The following CACNG3 variants were observed in gnomAD, a reference collection of about 807,000 sequenced individuals.
The protein encoded by CACNG3 is calcium voltage-gated channel auxiliary subunit gamma 3, also known as voltage-dependent calcium channel gamma-3 subunit.
Under a neutral mutation model 28.5 loss-of-function variants are expected in CACNG3, and 3 were observed. The observed-to-expected ratio is 0.11, with a 90% CI of 0.05 to 0.27. CACNG3 has a LOEUF of 0.27. Ranked by LOEUF, CACNG3 falls within the 10% of genes least tolerant of loss-of-function variation. The probability of loss-of-function intolerance (pLI) is 1.00; values close to 1 mark genes in which losing one functional copy is unlikely to be tolerated. For synonymous variants in CACNG3, 174 were observed against 162.2 expected (o/e 1.07, Z -0.55); for missense variants, 236 against 414.4 (o/e 0.57, Z 3.74).
At chr16:24,318,483 C>A (rs991510083) in intron 1 of CACNG3, among the ~76,000 whole-genome samples, 1 of 152,146 alleles carries the variant, frequency 6.6e-6, no homozygotes, top group Non-Finnish European at 1.5e-5. Context: ...TGAATTACCG[C>A]ACCCGGCCTG....
chr16:24,289,812 A>G (rs145625032), intron 1 of CACNG3, among the ~76,000 whole-genome samples: 8 of 152,346 alleles, frequency 5.3e-5, no homozygotes, highest in African/African-American at 1.9e-4. Flanking sequence ...AATGGGGATA[A>G]TCACTACCTG....
chr16:24,308,839 C>CAAAAAAAAAAAAAAAAA (rs71154298), intron 1 of CACNG3, among the ~76,000 whole-genome samples: 87 of 27,284 alleles, frequency 3.2e-3, no homozygotes, highest in Non-Finnish European at 4.2e-3. Context: ...GAACCTACCT[C>CAAAAAAAAAAAAAAAAA]AAAAAAAAAA....
At chr16:24,304,385 C>T (rs1899156549) in intron 1 of CACNG3, among the ~76,000 whole-genome samples, 1 of 152,004 alleles carries the variant, frequency 6.6e-6, no homozygotes. Flanking sequence ...AGTGCATGTA[C>T]AGAGAAATGC....
intron 1 of CACNG3, among the ~76,000 whole-genome samples, chr16:24,328,484 T>G (rs1899587891): frequency 2.7e-5 from 4 of 150,902 alleles, no homozygotes; most frequent in African/African-American, 7.3e-5. Context: ...AAGGACAGTC[T>G]GATGTTCAGG....
intron 1 of CACNG3, among the ~76,000 whole-genome samples, chr16:24,344,698 G>A (rs868133892): frequency 2.0e-5 from 3 of 152,252 alleles, no homozygotes; most frequent in East Asian, 1.9e-4. Context: ...CCTGGTAAGC[G>A]GAGAATCAGA....
intron 1 of CACNG3, among the ~76,000 whole-genome samples, chr16:24,280,873 G>A (rs529559199): frequency 1.5e-4 from 22 of 148,966 alleles, no homozygotes; most frequent in African/African-American, 5.2e-4. Flanking sequence ...TGGAGATTTT[G>A]GGAACATTTT....
intron 2 of CACNG3, among the ~76,000 whole-genome samples, chr16:24,353,011 G>T (rs1899977634): frequency 6.6e-6 from 1 of 151,212 alleles, no homozygotes; most frequent in Non-Finnish European, 1.5e-5. Flanking sequence ...GACTCGTTCT[G>T]TTGCCCAGGC....
chr16:24,349,342 G>A (rs1899911176), intron 2 of CACNG3, among the ~76,000 whole-genome samples: 1 of 152,236 alleles, frequency 6.6e-6, no homozygotes, highest in Non-Finnish European at 1.5e-5. Context: ...GAAAGATTCA[G>A]GGTGAGTCCA....
At chr16:24,358,154 T>G (rs1236488579) in intron 3 of CACNG3, among the ~76,000 whole-genome samples, 1 of 152,216 alleles carries the variant, frequency 6.6e-6, no homozygotes, top group Non-Finnish European at 1.5e-5. Flanking sequence ...TTAACAACCC[T>G]TTAAATCGGT....
chr16:24,300,702 C>T (rs916768831), intron 1 of CACNG3, among the ~76,000 whole-genome samples: 4 of 151,630 alleles, frequency 2.6e-5, no homozygotes, highest in African/African-American at 9.7e-5. Context: ...GTAGGCAGAT[C>T]ACTTGGAGTT....
At chr16:24,283,583 A>G (rs1898857388) in intron 1 of CACNG3, among the ~76,000 whole-genome samples, 1 of 152,220 alleles carries the variant, frequency 6.6e-6, no homozygotes, top group African/African-American at 2.4e-5. Flanking sequence ...TACTTAGTGA[A>G]TTTCATTTGC....
chr16:24,299,405 T>C (rs1287063206), intron 1 of CACNG3, among the ~76,000 whole-genome samples: 1 of 152,204 alleles, frequency 6.6e-6, no homozygotes, highest in Non-Finnish European at 1.5e-5. Flanking sequence ...ATCCTTGCTT[T>C]CCAGCACCTC....
chr16:24,285,344 C>T (rs938876932), intron 1 of CACNG3, among the ~76,000 whole-genome samples: 4 of 152,130 alleles, frequency 2.6e-5, no homozygotes, highest in African/African-American at 9.7e-5. Context: ...ATAAGAGTAA[C>T]CCGTTTACTG....
intron 2 of CACNG3, among the ~76,000 whole-genome samples, chr16:24,350,966 C>A (rs938791455): frequency 1.1e-4 from 17 of 152,166 alleles, no homozygotes; most frequent in African/African-American, 4.1e-4. Flanking sequence ...ATAAGCTACA[C>A]TCACTTACAG....
intron 2 of CACNG3, among the ~76,000 whole-genome samples, chr16:24,347,478 T>A (rs907997672): frequency 6.6e-6 from 1 of 152,208 alleles, no homozygotes; most frequent in African/African-American, 2.4e-5. Flanking sequence ...TCTAAGGAAC[T>A]TTCTCTAACT....
chr16:24,328,329 T>A (rs1899585160), intron 1 of CACNG3, among the ~76,000 whole-genome samples: 1 of 150,558 alleles, frequency 6.6e-6, no homozygotes, highest in African/African-American at 2.5e-5. Flanking sequence ...GCAGGAAAGA[T>A]AAAACAAAGC....
chr16:24,341,389 G>A (rs886563429), intron 1 of CACNG3, among the ~76,000 whole-genome samples: 2 of 152,218 alleles, frequency 1.3e-5, no homozygotes, highest in South Asian at 2.1e-4. Context: ...TCACCATGGC[G>A]CCAATGTGTC....
At chr16:24,309,035 C>A (rs1236237114) in intron 1 of CACNG3, among the ~76,000 whole-genome samples, 1 of 152,002 alleles carries the variant, frequency 6.6e-6, no homozygotes, top group African/African-American at 2.4e-5. Context: ...GTTGTGGAAA[C>A]TAAGACACAG....
At chr16:24,277,253 G>C (rs1052266327) in intron 1 of CACNG3, among the ~76,000 whole-genome samples, 10 of 152,178 alleles carry the variant, frequency 6.6e-5, no homozygotes, top group African/African-American at 2.4e-4. Context: ...GAATGACCTT[G>C]AGGATTATCA....
Sources: allele counts gnomAD v4.1 joint callset (sites outside exome capture counted in the v4.1 genomes callset), GRCh38; gene constraint gnomAD v4.1.1; transcripts MANE v1.5; gene names NCBI Gene and HGNC (gene_info 2026-07-23, HGNC 2026-07-21).